The following ERBB4 variants were observed in gnomAD, a reference collection of about 807,000 sequenced individuals.
ERBB4 encodes the protein receptor tyrosine-protein kinase erbB-4.
ERBB4 carries 42 observed loss-of-function variants against 158.0 expected under a neutral mutation model. The observed-to-expected ratio is 0.27, with a 90% CI of 0.21 to 0.34. The LOEUF (loss-of-function observed/expected upper bound fraction) is 0.34, where lower values mean the gene tolerates loss of function less well. Among genes scored for constraint, ERBB4 ranks in the 10% least tolerant of loss-of-function variants. The pLI, the probability that ERBB4 is intolerant of heterozygous loss-of-function variation, is 1.00. For synonymous variants in ERBB4, 583 were observed against 558.7 expected, an observed-to-expected ratio of 1.04 and a Z score of -0.61; for missense variants, 1,333 against 1,624.1, an observed-to-expected ratio of 0.82 and a Z score of 3.08.
At chr2:211,697,097 T>C (rs2073054268) in intron 12 of ERBB4, among the ~76,000 whole-genome samples, 1 of 147,974 alleles carries the variant, frequency 6.8e-6, no homozygotes, top group Non-Finnish European at 1.5e-5. Context: ...TCATTTAACT[T>C]TCTTAATGTA....
At chr2:211,888,904 A>G (rs2106176155) in intron 3 of ERBB4, among the ~76,000 whole-genome samples, 1 of 151,828 alleles carries the variant, frequency 6.6e-6, no homozygotes, top group Non-Finnish European at 1.5e-5. Context: ...TCCTACGCCC[A>G]CGGAGTCTCA....
chr2:211,799,441 C>T (rs185960329), intron 3 of ERBB4, among the ~76,000 whole-genome samples: 106 of 152,142 alleles, frequency 7.0e-4, no homozygotes, highest in African/African-American at 2.5e-3. Flanking sequence ...TGAGGCTAGA[C>T]ATAAAGAAAA....
At position 211,840,886 on chromosome 2, in the gene ERBB4, T is replaced by C. The variant is rs558164474; in HGVS notation, c.422-52727A>G. The stretch of plus-strand genomic sequence containing the variant: ...AACAATGGGGTATGCAATTTAAACT[T>C]TGGAGATCAAGTGGGACACTTGCCA... On this transcript the variant is annotated intron_variant, in intron 3 of 27. Coordinates refer to ENST00000342788, the MANE Select transcript of ERBB4 (RefSeq NM_005235.3). Among the ~76,000 whole-genome samples the C allele has an allele frequency of 9.9e-5, 15 of 152,226 alleles. No homozygotes were observed. In the South Asian group the frequency reaches 2.9e-3, roughly 29 times the overall value.
intron 5 of ERBB4, among the ~76,000 whole-genome samples, chr2:211,750,020 T>C (rs111410285): frequency 0.018 from 2,791 of 152,184 alleles, 98 homozygotes; most frequent in African/African-American, 0.063. Context: ...GAAAAAAAAA[T>C]AGCTATTTGT....
At chr2:212,223,515 C>A (rs1009194248) in intron 1 of ERBB4, among the ~76,000 whole-genome samples, 6 of 150,498 alleles carry the variant, frequency 4.0e-5, no homozygotes, top group African/African-American at 9.7e-5. Flanking sequence ...CAGCCACACA[C>A]AGATTCAAAT....
chr2:212,370,572 G>C (rs980673506), intron 1 of ERBB4, among the ~76,000 whole-genome samples: 3 of 152,014 alleles, frequency 2.0e-5, no homozygotes, highest in Admixed American at 1.3e-4. Context: ...AAAATTTCCA[G>C]GGTGATAATT....
intron 3 of ERBB4, among the ~76,000 whole-genome samples, chr2:211,866,649 AAACTT>A: frequency 6.6e-6 from 1 of 152,330 alleles, no homozygotes; most frequent in East Asian, 1.9e-4. Flanking sequence ...AAACATTAAA[AAACTT>A]AACCAGTAAA....
intron 1 of ERBB4, among the ~76,000 whole-genome samples, chr2:212,538,112 C>T (rs1178797283): frequency 1.3e-5 from 2 of 152,176 alleles, no homozygotes; most frequent in African/African-American, 4.8e-5. Flanking sequence ...GAAGAGTCTC[C>T]TCTGACTGGG....
At chr2:211,741,914 C>T (rs1206279422) in intron 5 of ERBB4, among the ~76,000 whole-genome samples, 4 of 151,980 alleles carry the variant, frequency 2.6e-5, no homozygotes, top group African/African-American at 4.8e-5. Flanking sequence ...CATTTTCTAC[C>T]GGTAAATTAT....
intron 1 of ERBB4, among the ~76,000 whole-genome samples, chr2:212,264,456 G>C (rs897991237): frequency 6.6e-6 from 1 of 152,032 alleles, no homozygotes; most frequent in Admixed American, 6.6e-5. Flanking sequence ...CACTTGCACT[G>C]TATATTACTG....
At chr2:212,134,921 C>T (rs141436649) in intron 1 of ERBB4, among the ~76,000 whole-genome samples, 3,391 of 151,984 alleles carry the variant, frequency 0.022, 131 homozygotes, top group African/African-American at 0.078. Context: ...CTCCTGACCT[C>T]GTGATCCGCC....
chr2:211,417,422 C>A (rs2125396234), intron 25 of ERBB4, among the ~76,000 whole-genome samples: 1 of 152,214 alleles, frequency 6.6e-6, no homozygotes. Context: ...TGCACTGAGC[C>A]AAGATCGTGC....
intron 1 of ERBB4, among the ~76,000 whole-genome samples, chr2:212,377,772 A>T (rs1157302520): frequency 2.6e-5 from 4 of 151,898 alleles, no homozygotes; most frequent in South Asian, 2.1e-4. Flanking sequence ...CAATAATATA[A>T]CCTTAGCTTA....
chr2:211,525,143 A>G (rs1009912953), intron 20 of ERBB4, among the ~76,000 whole-genome samples: 1 of 152,102 alleles, frequency 6.6e-6, no homozygotes, highest in Admixed American at 6.5e-5. Context: ...TGCAAGTCCT[A>G]GTGCTGAGCT....
At chr2:212,445,740 T>G (rs995054295) in intron 1 of ERBB4, among the ~76,000 whole-genome samples, 8 of 152,182 alleles carry the variant, frequency 5.3e-5, no homozygotes, top group African/African-American at 1.9e-4. Context: ...CCCGCAGGAA[T>G]GAAGGTTTGG....
In ERBB4 at chr2:212,464,535, AAGAATTTAATTTCC is replaced by A. The variant is rs1355403873; in HGVS notation, c.82+73900_82+73913del. Among the ~76,000 whole-genome samples, 13 of 152,222 alleles carry A rather than the reference AAGAATTTAATTTCC, an allele frequency of 8.5e-5. No individual in the cohort carries two copies. In the East Asian group the frequency reaches 2.5e-3, roughly 29 times the overall value. On this transcript the variant is annotated intron_variant, in intron 1 of 27. Coordinates refer to ENST00000342788, the MANE Select transcript of ERBB4 (RefSeq NM_005235.3). ...CAGTTTAGCTGCCTGAGAACCAATA[AAGAATTTAATTTCC>A]TATTCTCATTTTCACATTTCATGGA...
intron 20 of ERBB4, among the ~76,000 whole-genome samples, chr2:211,506,234 C>T (rs2065746577): frequency 6.6e-6 from 1 of 151,774 alleles, no homozygotes; most frequent in Admixed American, 6.6e-5. Context: ...AATATAGCAC[C>T]CAACACTGGA....
At chr2:211,986,755 ATGGCATACG>A (rs1250820843) in intron 2 of ERBB4, among the ~76,000 whole-genome samples, 1 of 152,190 alleles carries the variant, frequency 6.6e-6, no homozygotes, top group Admixed American at 6.5e-5. Flanking sequence ...AGAATAGTGC[ATGGCATACG>A]GTGAAGGTTA....
chr2:212,474,607 A>C (rs957806365), intron 1 of ERBB4, among the ~76,000 whole-genome samples: 1 of 151,934 alleles, frequency 6.6e-6, no homozygotes. Context: ...GAGGTTCCTG[A>C]AGGTTTTGTC....
Sources: gnomAD v4.1 joint callset for allele counts (sites outside exome capture counted in the v4.1 genomes callset) on GRCh38, gnomAD v4.1.1 for gene constraint, MANE v1.5 for transcripts, NCBI Gene and HGNC (gene_info 2026-07-23, HGNC 2026-07-21) for gene names.